KANSL1: variants seen among roughly 807,000 people sequenced by gnomAD.
The protein encoded by KANSL1 is MLL1/MLL complex subunit KANSL1.
KANSL1 carries 22 observed loss-of-function variants against 103.6 expected under a neutral mutation model. The ratio of observed to expected loss-of-function variants is 0.21; its 90% confidence interval spans 0.15 to 0.30. The LOEUF (loss-of-function observed/expected upper bound fraction) is 0.30. KANSL1 is among the 10% of genes least tolerant of loss of function. The probability of loss-of-function intolerance (pLI) is 1.00; values close to 1 mark genes in which losing one functional copy is unlikely to be tolerated. For missense variants in KANSL1, 1,337 were observed against 1,399.8 expected, an observed-to-expected ratio of 0.96 and a Z score of 0.72; for synonymous variants, 600 against 527.6, an observed-to-expected ratio of 1.14 and a Z score of -1.88.
chr17:46,059,122 A>G (rs2078054903), intron 6 of KANSL1, among the ~76,000 whole-genome samples: 1 of 152,066 alleles, frequency 6.6e-6, no homozygotes. Flanking sequence ...AATGGATAAC[A>G]CTAGAGACTT....
At chr17:46,096,322 T>C (rs1464288155) in intron 2 of KANSL1, among the ~76,000 whole-genome samples, 3 of 138,060 alleles carry the variant, frequency 2.2e-5, no homozygotes, top group Admixed American at 7.4e-5. Flanking sequence ...TTTTTTTTTT[T>C]TTTTTTTTTT....
At chr17:46,066,471 A>G in intron 6 of KANSL1, 66 bp downstream of exon 6, 1 of 1,390,294 alleles carries the variant, frequency 7.2e-7, no homozygotes, top group Non-Finnish European at 9.6e-7. Context: ...AAAGTTGGCA[A>G]GAGACTAACT....
intron 7 of KANSL1, among the ~76,000 whole-genome samples, chr17:46,047,780 C>T (rs2077564087): frequency 6.8e-6 from 1 of 146,704 alleles, no homozygotes; most frequent in South Asian, 2.2e-4. Context: ...CGAGCAAGAC[C>T]CTGTATCTAA....
At chr17:46,208,538 G>A (rs958040229) in intron 1 of KANSL1, among the ~76,000 whole-genome samples, 12 of 151,738 alleles carry the variant, frequency 7.9e-5, no homozygotes, top group Admixed American at 6.6e-5. Flanking sequence ...GCTTGAGCCT[G>A]GGGTTTAGGG....
chr17:46,133,889 G>A (rs1312863650), intron 2 of KANSL1, among the ~76,000 whole-genome samples: 1 of 152,188 alleles, frequency 6.6e-6, no homozygotes, highest in African/African-American at 2.4e-5. Context: ...TTACTATATT[G>A]GTTCAAGGAG....
intron 1 of KANSL1, among the ~76,000 whole-genome samples, chr17:46,190,267 A>G (rs141655101): frequency 6.6e-6 from 1 of 152,374 alleles, no homozygotes; most frequent in African/African-American, 2.4e-5. Context: ...CAAGTGAACT[A>G]AGGCCTACTC....
At chr17:46,052,278 T>C (rs2077737010) in intron 6 of KANSL1, among the ~76,000 whole-genome samples, 1 of 152,322 alleles carries the variant, frequency 6.6e-6, no homozygotes, top group South Asian at 2.1e-4. Context: ...AACCAACCCA[T>C]GACATCAACT....
upstream of KANSL1, among the ~76,000 whole-genome samples, chr17:46,194,685 G>A (rs2047545748): frequency 6.6e-6 from 1 of 152,124 alleles, no homozygotes; most frequent in Admixed American, 6.5e-5. Flanking sequence ...CATCAAATTC[G>A]GCAGATAAGA....
intron 1 of KANSL1, among the ~76,000 whole-genome samples, chr17:46,215,409 G>C (rs1054383511): frequency 8.5e-5 from 13 of 152,230 alleles, no homozygotes; most frequent in Admixed American, 2.0e-4. Flanking sequence ...GTGGAAGAGG[G>C]AGGGATATGA....
At chr17:46,110,691 G>C (rs984094197) in intron 2 of KANSL1, among the ~76,000 whole-genome samples, 5 of 152,180 alleles carry the variant, frequency 3.3e-5, no homozygotes, top group African/African-American at 1.2e-4. Flanking sequence ...AAGAGTATTT[G>C]ATTGTCAAAT....
At chr17:46,088,969 A>G (rs1182785293) in intron 3 of KANSL1, among the ~76,000 whole-genome samples, 2 of 152,046 alleles carry the variant, frequency 1.3e-5, no homozygotes, top group Non-Finnish European at 2.9e-5. Flanking sequence ...TGAAATGATG[A>G]AAAGGACACA....
At chr17:46,115,106 G>A (rs1486147605) in intron 2 of KANSL1, among the ~76,000 whole-genome samples, 1 of 151,976 alleles carries the variant, frequency 6.6e-6, no homozygotes, top group Non-Finnish European at 1.5e-5. Context: ...TGTCATGCAG[G>A]CAGGAGTGCA....
intron 3 of KANSL1, among the ~76,000 whole-genome samples, chr17:46,086,708 C>T (rs2079177322): frequency 6.6e-6 from 1 of 152,182 alleles, no homozygotes; most frequent in Admixed American, 6.5e-5. Flanking sequence ...AATTCCAGCA[C>T]TTTGGGAAGC....
At chr17:46,056,817 C>T (rs2077948353) in intron 6 of KANSL1, among the ~76,000 whole-genome samples, 1 of 152,170 alleles carries the variant, frequency 6.6e-6, no homozygotes, top group Non-Finnish European at 1.5e-5. Context: ...AATTAGTATA[C>T]CGCATGATTT....
At chr17:46,063,177 TTCTGTAC>T (rs1212817945) in intron 6 of KANSL1, among the ~76,000 whole-genome samples, 1 of 152,260 alleles carries the variant, frequency 6.6e-6, no homozygotes, top group African/African-American at 2.4e-5. Flanking sequence ...GCTTTGTGTG[TTCTGTAC>T]TCTGTACTCA....
At chr17:46,166,261 C>CAGCA (rs1371149437) in intron 2 of KANSL1, among the ~76,000 whole-genome samples, 8 of 151,544 alleles carry the variant, frequency 5.3e-5, no homozygotes, top group Non-Finnish European at 1.2e-4. Flanking sequence ...CCTGTAATCC[C>CAGCA]AGCACTGTGG....
intron 1 of KANSL1, among the ~76,000 whole-genome samples, chr17:46,184,261 G>A (rs771661157): frequency 1.3e-5 from 2 of 152,212 alleles, no homozygotes; most frequent in African/African-American, 2.4e-5. Flanking sequence ...GTGGTGCACA[G>A]AGGGTGAGGG....
At chr17:46,169,058 C>T (rs1053066142) in intron 2 of KANSL1, among the ~76,000 whole-genome samples, 1 of 152,192 alleles carries the variant, frequency 6.6e-6, no homozygotes, top group Non-Finnish European at 1.5e-5. Context: ...TGTCTAGGTG[C>T]TTTTCTGTTA....
At chr17:46,199,455 G>A (rs2696443) in intron 1 of KANSL1, among the ~76,000 whole-genome samples, 21,947 of 152,152 alleles carry the variant, frequency 0.14, 2,135 homozygotes, top group Non-Finnish European at 0.22. Context: ...GGAGGCCTTA[G>A]CTGATTCAAA....
Sources: allele counts gnomAD v4.1 joint callset (sites outside exome capture counted in the v4.1 genomes callset), GRCh38; gene constraint gnomAD v4.1.1; transcripts MANE v1.5; gene names NCBI Gene and HGNC (gene_info 2026-07-23, HGNC 2026-07-21).